The following SUGCT variants were observed in gnomAD, a reference collection of about 807,000 sequenced individuals.
SUGCT encodes succinyl-CoA:glutarate CoA-transferase.
Under a neutral mutation model 55.0 loss-of-function variants are expected in SUGCT, and 41 were observed. That is an observed-to-expected ratio of 0.74 (90% CI 0.58 to 0.97). The LOEUF (loss-of-function observed/expected upper bound fraction) is 0.97. Ranked by LOEUF, SUGCT falls within the 50% of genes least tolerant of loss-of-function variation. SUGCT has a pLI of 0.00. For missense variants in SUGCT, 568 were observed against 547.8 expected, an observed-to-expected ratio of 1.04 and a Z score of -0.37; for synonymous variants, 187 against 200.4, an observed-to-expected ratio of 0.93 and a Z score of 0.56.
intron 12 of SUGCT, among the ~76,000 whole-genome samples, chr7:40,662,813 T>A (rs941899824): frequency 1.3e-5 from 2 of 152,182 alleles, no homozygotes; most frequent in Admixed American, 1.3e-4. Flanking sequence ...TGTTACCTTT[T>A]AAAAAAATTA....
intron 11 of SUGCT, 116 bp downstream of exon 11, chr7:40,459,314 T>A: frequency 1.4e-6 from 1 of 692,396 alleles, no homozygotes; most frequent in Admixed American, 3.1e-5. Flanking sequence ...TTCTCTTCCA[T>A]TTTACAAAAC....
chr7:40,398,140 G>A (rs1274819130), intron 9 of SUGCT, among the ~76,000 whole-genome samples: 1 of 152,124 alleles, frequency 6.6e-6, no homozygotes, highest in Non-Finnish European at 1.5e-5. Context: ...TCATCAAGCT[G>A]GAGTGCAGTG....
At chr7:40,290,782 C>G (rs1204041968) in intron 8 of SUGCT, among the ~76,000 whole-genome samples, 3 of 152,140 alleles carry the variant, frequency 2.0e-5, no homozygotes, top group Non-Finnish European at 2.9e-5. Context: ...TATCCAGAAT[C>G]TACAATGAAC....
At chr7:40,192,876 AC>A in intron 5 of SUGCT, among the ~76,000 whole-genome samples, 1 of 150,220 alleles carries the variant, frequency 6.7e-6, no homozygotes, top group South Asian at 2.1e-4. Flanking sequence ...CAGGTAATCT[AC>A]CTGCCTCAGC....
intron 13 of SUGCT, among the ~76,000 whole-genome samples, chr7:40,820,166 G>C (rs1389979635): frequency 6.6e-6 from 1 of 152,164 alleles, no homozygotes; most frequent in Non-Finnish European, 1.5e-5. Context: ...GGTTACTGTA[G>C]CCTTGTAGTA....
intron 12 of SUGCT, among the ~76,000 whole-genome samples, chr7:40,682,668 T>A (rs369281841): frequency 1.2e-4 from 18 of 151,884 alleles, no homozygotes; most frequent in African/African-American, 3.6e-4. Flanking sequence ...AAACACTTTG[T>A]TTTTTTTCTA....
chr7:40,513,946 T>C (rs1793088730), intron 12 of SUGCT, among the ~76,000 whole-genome samples: 1 of 151,796 alleles, frequency 6.6e-6, no homozygotes. Context: ...CCTGCCACCA[T>C]GCCCGGCTAA....
chr7:40,440,817 C>T (rs1367512777), intron 9 of SUGCT, among the ~76,000 whole-genome samples: 1 of 152,010 alleles, frequency 6.6e-6, no homozygotes, highest in Non-Finnish European at 1.5e-5. Context: ...CTGTGCAACA[C>T]AGTGAGACTC....
intron 7 of SUGCT, among the ~76,000 whole-genome samples, chr7:40,250,137 C>G (rs1285612370): frequency 6.6e-6 from 1 of 152,094 alleles, no homozygotes; most frequent in Non-Finnish European, 1.5e-5. Context: ...GTGGCTCATG[C>G]CTGTAATCCT....
chr7:40,750,439 T>C (rs1319395496), intron 13 of SUGCT, among the ~76,000 whole-genome samples: 2 of 152,186 alleles, frequency 1.3e-5, no homozygotes, highest in Non-Finnish European at 2.9e-5. Context: ...TAAAACCGTT[T>C]CCTGGCCATC....
the SUGCT span, among the ~76,000 whole-genome samples, chr7:40,880,393 A>C: frequency 6.6e-6 from 1 of 152,290 alleles, no homozygotes; most frequent in South Asian, 2.1e-4. Context: ...AGGTGTGATC[A>C]TTGGGCTCTG....
intron 6 of SUGCT, among the ~76,000 whole-genome samples, chr7:40,220,435 CTTT>C (rs1315464675): frequency 6.6e-6 from 1 of 152,186 alleles, no homozygotes; most frequent in Non-Finnish European, 1.5e-5. Flanking sequence ...TGGTTCATGA[CTTT>C]TTGATAAGTC....
At chr7:40,938,467 C>T in the SUGCT span, among the ~76,000 whole-genome samples, 1 of 151,300 alleles carries the variant, frequency 6.6e-6, no homozygotes, top group African/African-American at 2.4e-5. Context: ...GGATTATTAC[C>T]AACTTAATTA....
intron 6 of SUGCT, among the ~76,000 whole-genome samples, chr7:40,231,785 G>A (rs1788739038): frequency 1.3e-5 from 2 of 152,188 alleles, no homozygotes; most frequent in Non-Finnish European, 2.9e-5. Flanking sequence ...GGAAAGTAGT[G>A]TACTGATTTA....
intron 5 of SUGCT, among the ~76,000 whole-genome samples, chr7:40,191,398 A>G (rs1203521595): frequency 6.6e-6 from 1 of 152,206 alleles, no homozygotes; most frequent in Non-Finnish European, 1.5e-5. Flanking sequence ...CAGTTATTGA[A>G]AGATAATCTT....
chr7:40,741,529 G>T (rs984732009), intron 12 of SUGCT, among the ~76,000 whole-genome samples: 1 of 152,154 alleles, frequency 6.6e-6, no homozygotes, highest in African/African-American at 2.4e-5. Flanking sequence ...ATTGGTAAGT[G>T]ATTAAGGAAA....
intron 10 of SUGCT, 83 bp downstream of exon 10, chr7:40,449,441 AG>A (rs1201912561): frequency 5.3e-6 from 5 of 952,372 alleles, no homozygotes; most frequent in African/African-American, 1.6e-5. Flanking sequence ...CAACCAACTT[AG>A]GCCCCCTGTG....
intron 8 of SUGCT, among the ~76,000 whole-genome samples, chr7:40,301,133 T>G (rs2151077711): frequency 6.6e-6 from 1 of 152,248 alleles, no homozygotes; most frequent in Middle Eastern, 3.4e-3. Context: ...AGTCACTGGG[T>G]TTTATAGTGT....
chr7:40,631,857 T>A (rs1198050208), intron 12 of SUGCT, among the ~76,000 whole-genome samples: 1 of 152,232 alleles, frequency 6.6e-6, no homozygotes, highest in Non-Finnish European at 1.5e-5. Context: ...TCCTATCTTT[T>A]CTTCTAGGAA....
Sources: gnomAD v4.1 joint callset for allele counts (sites outside exome capture counted in the v4.1 genomes callset) on GRCh38, gnomAD v4.1.1 for gene constraint, MANE v1.5 for transcripts, NCBI Gene and HGNC (gene_info 2026-07-23, HGNC 2026-07-21) for gene names.